TMEM132C: variants seen among roughly 807,000 people sequenced by gnomAD.
TMEM132C encodes the protein transmembrane protein 132C.
A neutral mutation model predicts 61.4 loss-of-function variants in TMEM132C; 29 were observed. The ratio of observed to expected loss-of-function variants is 0.47; its 90% CI spans 0.35 to 0.64. The LOEUF (loss-of-function observed/expected upper bound fraction) is 0.64. Ranked by LOEUF, TMEM132C falls within the 30% of genes least tolerant of loss-of-function variation. The pLI is 0.00. For synonymous variants in TMEM132C, 656 were observed against 633.1 expected (o/e 1.04, Z -0.54); for missense variants, 1,408 against 1,476.9 (o/e 0.95, Z 0.76).
intron 2 of TMEM132C, among the ~76,000 whole-genome samples, chr12:128,489,725 T>C (rs1024664718): frequency 1.3e-5 from 2 of 151,964 alleles, no homozygotes; most frequent in African/African-American, 4.8e-5. Flanking sequence ...TATAAAAAAT[T>C]TCACATGCCT....
At chr12:128,698,409 T>C (rs375542513) in intron 8 of TMEM132C, among the ~76,000 whole-genome samples, 1 of 152,198 alleles carries the variant, frequency 6.6e-6, no homozygotes, top group Non-Finnish European at 1.5e-5. Flanking sequence ...ACAATACTTA[T>C]GAGAAGAGTA....
At chr12:128,393,256 G>A (rs1160920959) in intron 1 of TMEM132C, among the ~76,000 whole-genome samples, 4 of 152,148 alleles carry the variant, frequency 2.6e-5, no homozygotes, top group African/African-American at 4.8e-5. Context: ...ATCCAGGGCC[G>A]TCAAATGTAC....
At chr12:128,581,340 A>G (rs1224348351) in intron 3 of TMEM132C, among the ~76,000 whole-genome samples, 1 of 152,138 alleles carries the variant, frequency 6.6e-6, no homozygotes, top group Non-Finnish European at 1.5e-5. Context: ...AAACCCAGTC[A>G]GTCCTTGAAC....
intron 2 of TMEM132C, among the ~76,000 whole-genome samples, chr12:128,478,643 C>T (rs566488449): frequency 3.0e-4 from 46 of 152,336 alleles, no homozygotes; most frequent in Non-Finnish European, 5.6e-4. Flanking sequence ...TCTTATAGCT[C>T]ACTGAAAGGT....
At chr12:128,567,449 C>T (rs887912930) in intron 3 of TMEM132C, among the ~76,000 whole-genome samples, 8 of 144,272 alleles carry the variant, frequency 5.5e-5, no homozygotes, top group African/African-American at 2.3e-4. Flanking sequence ...CACACACACA[C>T]ACACACACAC....
chr12:128,451,177 A>C (rs529681635), intron 2 of TMEM132C, among the ~76,000 whole-genome samples: 1 of 152,316 alleles, frequency 6.6e-6, no homozygotes, highest in South Asian at 2.1e-4. Context: ...CTAAGGGGTT[A>C]GTCTGTTTTA....
intron 3 of TMEM132C, among the ~76,000 whole-genome samples, chr12:128,578,243 C>T (rs1875193782): frequency 6.6e-6 from 1 of 152,192 alleles, no homozygotes; most frequent in Non-Finnish European, 1.5e-5. Flanking sequence ...TTTGTATGAA[C>T]AGAAGGATGC....
At chr12:128,308,059 T>G (rs1308750685) in intron 1 of TMEM132C, among the ~76,000 whole-genome samples, 1 of 152,204 alleles carries the variant, frequency 6.6e-6, no homozygotes, top group East Asian at 1.9e-4. Context: ...GTCCTTGGAC[T>G]TTATCTGCAA....
At chr12:128,300,111 A>T (rs916001647) in intron 1 of TMEM132C, among the ~76,000 whole-genome samples, 3 of 152,206 alleles carry the variant, frequency 2.0e-5, no homozygotes, top group Admixed American at 6.5e-5. Context: ...TGCTTTAAGG[A>T]GATAGCCATA....
At chr12:128,696,207 G>GATACACATGGGT in intron 7 of TMEM132C, 104 bp downstream of exon 7, 1 of 1,414,504 alleles carries the variant, frequency 7.1e-7, no homozygotes, top group Non-Finnish European at 9.5e-7. Context: ...CCCAACCCAT[G>GATACACATGGGT]TGTATCATGG....
intron 3 of TMEM132C, among the ~76,000 whole-genome samples, chr12:128,556,063 G>T (rs1874321098): frequency 6.6e-6 from 1 of 152,172 alleles, no homozygotes; most frequent in Non-Finnish European, 1.5e-5. Context: ...AAGAGAATTT[G>T]CTGGAGGCAT....
At chr12:128,338,652 C>T (rs917694822) in intron 1 of TMEM132C, among the ~76,000 whole-genome samples, 1 of 151,834 alleles carries the variant, frequency 6.6e-6, no homozygotes, top group Non-Finnish European at 1.5e-5. Context: ...CGGGCCCCCT[C>T]CCACTCCTTT....
chr12:128,491,593 G>A (rs1420531152), intron 2 of TMEM132C, among the ~76,000 whole-genome samples: 9 of 152,272 alleles, frequency 5.9e-5, no homozygotes, highest in East Asian at 3.9e-4. Flanking sequence ...CTTTTTCAGC[G>A]TGTCCTCAAC....
intron 2 of TMEM132C, among the ~76,000 whole-genome samples, chr12:128,508,612 A>C (rs1334831061): frequency 6.6e-6 from 1 of 152,140 alleles, no homozygotes; most frequent in Non-Finnish European, 1.5e-5. Context: ...TGTGTGGAGC[A>C]AGGCCGTGGC....
At position 128,415,437 on chromosome 12, in the gene TMEM132C, C is replaced by A; in HGVS notation, c.791C>A (p.Ser264Tyr). 1 of 1,551,598 alleles carries A rather than the reference C, an allele frequency of 6.4e-7. No homozygotes were observed. Among genetic ancestry groups the A allele is most frequent in the Non-Finnish European group, 8.7e-7 (1 of 1,146,930 alleles). ...AAGGATGGGCTGGAGGAAACCACGT[C>A]CCACCTGCAGAGGATCGGCACCGTC... Reference protein sequence around the residue: ...PGKDGLEETTSHLQRIGTVGL... With the variant: ...PGKDGLEETTYHLQRIGTVGL... The change falls in exon 2 of 9, where the codon TCC becomes TAC. Residue 264 changes from serine to tyrosine, a missense_variant. Coordinates refer to ENST00000435159, the MANE Select transcript of TMEM132C (RefSeq NM_001136103.3). This position sits in a 1 kb window ranked among gnomAD's most constrained non-coding sequence, Gnocchi z 5.8.
intron 2 of TMEM132C, among the ~76,000 whole-genome samples, chr12:128,463,175 A>G (rs147659814): frequency 0.012 from 1,851 of 152,252 alleles, 16 homozygotes; most frequent in Non-Finnish European, 0.019. Context: ...CAATTATATC[A>G]CATGGCCTCA....
At chr12:128,356,939 A>G in intron 1 of TMEM132C, among the ~76,000 whole-genome samples, 1 of 152,210 alleles carries the variant, frequency 6.6e-6, no homozygotes, top group South Asian at 2.1e-4. Flanking sequence ...TGGGAGACGA[A>G]AATCTCATTT....
chr12:128,356,507 C>T (rs1227933105), intron 1 of TMEM132C, among the ~76,000 whole-genome samples: 2 of 152,336 alleles, frequency 1.3e-5, no homozygotes, highest in East Asian at 3.9e-4. Flanking sequence ...ATAAATGACT[C>T]TCTGAGCAGC....
At chr12:128,700,665 T>C (rs1357521979) in intron 8 of TMEM132C, among the ~76,000 whole-genome samples, 1 of 152,166 alleles carries the variant, frequency 6.6e-6, no homozygotes, top group Non-Finnish European at 1.5e-5. Context: ...CACCTACAAA[T>C]AGAGGGTAGT....
Sources: gnomAD v4.1 joint callset for allele counts (sites outside exome capture counted in the v4.1 genomes callset) on GRCh38, gnomAD v4.1.1 for gene constraint, Gnocchi (gnomAD v3.1) non-coding constraint, MANE v1.5 for transcripts, NCBI Gene and HGNC (gene_info 2026-07-23, HGNC 2026-07-21) for gene names.